The following DDX10 variants were observed in gnomAD, a reference collection of about 807,000 sequenced individuals.
DDX10 encodes probable ATP-dependent RNA helicase DDX10.
A neutral mutation model predicts 104.3 loss-of-function variants in DDX10; 74 were observed. That is an observed-to-expected ratio of 0.71 (90% CI 0.59 to 0.86). The LOEUF is 0.86. Among genes scored for constraint, DDX10 ranks in the 40% least tolerant of loss-of-function variants. The pLI is 0.00. For missense variants in DDX10, 952 were observed against 1,040.0 expected, an observed-to-expected ratio of 0.92 and a Z score of 1.16; for synonymous variants, 351 against 353.4, an observed-to-expected ratio of 0.99 and a Z score of 0.08.
intron 13 of DDX10, among the ~76,000 whole-genome samples, chr11:108,800,527 G>GT (rs1862006777): frequency 6.7e-6 from 1 of 150,200 alleles, no homozygotes; most frequent in Non-Finnish European, 1.5e-5. Context: ...TCCAGCACTT[G>GT]TTTCTTGTTA....
chr11:108,893,237 AT>A (rs1447707790), intron 16 of DDX10, among the ~76,000 whole-genome samples: 3 of 152,128 alleles, frequency 2.0e-5, no homozygotes, highest in African/African-American at 7.2e-5. Flanking sequence ...GATTATTCAT[AT>A]CATTGACTTG....
intron 13 of DDX10, among the ~76,000 whole-genome samples, chr11:108,739,019 G>A (rs940271523): frequency 3.3e-5 from 5 of 152,174 alleles, no homozygotes; most frequent in East Asian, 1.9e-4. Flanking sequence ...GACAACTTTC[G>A]CCCCTGAGGG....
intron 10 of DDX10, among the ~76,000 whole-genome samples, chr11:108,711,385 T>A (rs2134465630): frequency 6.6e-6 from 1 of 152,332 alleles, no homozygotes; most frequent in East Asian, 1.9e-4. Flanking sequence ...CAGGCTGGAG[T>A]GCAGTGGCAC....
intron 13 of DDX10, among the ~76,000 whole-genome samples, chr11:108,834,828 T>C (rs1279398634): frequency 1.4e-5 from 2 of 142,378 alleles, no homozygotes. Flanking sequence ...CTCCGGAGGC[T>C]GAGGCAGGAG....
chr11:108,901,931 T>C (rs540623402), intron 16 of DDX10, among the ~76,000 whole-genome samples: 8 of 152,334 alleles, frequency 5.3e-5, no homozygotes, highest in African/African-American at 9.6e-5. Context: ...TGGGCATTTA[T>C]GAAATAATGA....
At chr11:108,822,251 T>A (rs1862334910) in intron 13 of DDX10, 1 of 213,420 alleles carries the variant, frequency 4.7e-6, no homozygotes, top group African/African-American at 2.4e-5. Flanking sequence ...AATTCTGGTA[T>A]ATGAGATCTA....
chr11:108,739,283 C>T (rs2094322222), intron 13 of DDX10, among the ~76,000 whole-genome samples: 1 of 152,158 alleles, frequency 6.6e-6, no homozygotes, highest in Admixed American at 6.5e-5. Context: ...AAATGATGAA[C>T]ATGAATTCCA....
chr11:108,711,541 C>CAGGCTGGTT (rs994199358), intron 10 of DDX10, among the ~76,000 whole-genome samples: 7 of 152,104 alleles, frequency 4.6e-5, no homozygotes, highest in Non-Finnish European at 1.0e-4. Flanking sequence ...CCATGTTGGC[C>CAGGCTGGTT]AGGCTGGTTT....
chr11:108,933,021 C>G (rs554758133), intron 17 of DDX10, among the ~76,000 whole-genome samples: 16 of 152,006 alleles, frequency 1.1e-4, no homozygotes, highest in Non-Finnish European at 1.9e-4. Flanking sequence ...GAAAAAAATT[C>G]ATGACACTTA....
rs537232997 is a variant in DDX10, at chr11:108,834,648, C to T, written c.1966-3798C>T. Among the ~76,000 whole-genome samples the T allele has an allele frequency of 7.2e-5, 11 of 152,194 alleles. No homozygotes were observed. The South Asian group carries it at 2.3e-3, about 32-fold the overall frequency. On this transcript the variant is annotated intron_variant, in intron 13 of 17. Coordinates refer to ENST00000322536, the MANE Select transcript of DDX10 (RefSeq NM_004398.4). The stretch of plus-strand genomic sequence containing the variant: ...CAGTGATCCCTTAAGTTTATACTGT[C>T]TGATCAGCATTGCTTCTGTCTTTAG...
chr11:108,687,932 A>AT (rs1195988629), intron 6 of DDX10, among the ~76,000 whole-genome samples: 1 of 152,150 alleles, frequency 6.6e-6, no homozygotes, highest in Non-Finnish European at 1.5e-5. Flanking sequence ...GTATATGGAT[A>AT]TATAATGTAT....
intron 11 of DDX10, 29 bp downstream of exon 11, chr11:108,715,995 A>G: frequency 8.6e-7 from 1 of 1,164,646 alleles, no homozygotes; most frequent in South Asian, 1.3e-5. Context: ...GGATACTTTC[A>G]TTGACTGGAA....
At chr11:108,937,279 T>G (rs1864048475) in intron 17 of DDX10, among the ~76,000 whole-genome samples, 1 of 152,164 alleles carries the variant, frequency 6.6e-6, no homozygotes, top group Admixed American at 6.6e-5. Context: ...CTCTTTTGTT[T>G]CTCGTGAAAT....
intron 13 of DDX10, among the ~76,000 whole-genome samples, chr11:108,748,025 AT>A (rs1565266408): frequency 6.6e-6 from 1 of 152,198 alleles, no homozygotes; most frequent in Non-Finnish European, 1.5e-5. Context: ...GCAAAAAATA[AT>A]TATAAACTTT....
chr11:108,855,492 C>T (rs1862854221), intron 16 of DDX10, among the ~76,000 whole-genome samples: 2 of 152,210 alleles, frequency 1.3e-5, no homozygotes, highest in South Asian at 4.1e-4. Flanking sequence ...TGGAGTCTCG[C>T]TCTGTCACCG....
chr11:108,799,185 G>A (rs1240466807), intron 13 of DDX10, among the ~76,000 whole-genome samples: 2 of 152,130 alleles, frequency 1.3e-5, no homozygotes, highest in Admixed American at 6.5e-5. Flanking sequence ...CATCTACAAA[G>A]TGTTCTCCTT....
rs927112909 is a variant in DDX10 at position 108,748,058 on chromosome 11, T to C, written c.1965+24596T>C. On this transcript the variant is annotated intron_variant, in intron 13 of 17. Coordinates refer to ENST00000322536, the MANE Select transcript of DDX10 (RefSeq NM_004398.4). ...CTTTGGACACAGTATAAAATCTAAG[T>C]ACTCTAGAGTGTGAGCAAAACTAAG... 7.9e-5 allele frequency among the ~76,000 whole-genome samples: 12 copies of C among 152,178 alleles called. No homozygotes were observed. In the East Asian group the frequency reaches 1.5e-3, roughly 20 times the overall value.
chr11:108,697,242 T>C (rs558431768), intron 9 of DDX10, among the ~76,000 whole-genome samples: 11 of 85,304 alleles, frequency 1.3e-4, no homozygotes, highest in South Asian at 3.6e-4. Flanking sequence ...TTTTTTTTTT[T>C]CTGGCAGTTT....
At chr11:108,762,918 C>T (rs562933739) in intron 13 of DDX10, among the ~76,000 whole-genome samples, 2 of 152,242 alleles carry the variant, frequency 1.3e-5, no homozygotes, top group African/African-American at 4.8e-5. Flanking sequence ...GCTGGCTTTC[C>T]TTCGCTGTAT....
Sources: allele counts gnomAD v4.1 joint callset (sites outside exome capture counted in the v4.1 genomes callset), GRCh38; gene constraint gnomAD v4.1.1; transcripts MANE v1.5; gene names NCBI Gene and HGNC (gene_info 2026-07-23, HGNC 2026-07-21).